The following MAD1L1 variants were observed in gnomAD, a reference collection of about 807,000 sequenced individuals.
MAD1L1 encodes the protein mitotic spindle assembly checkpoint protein MAD1.
A neutral mutation model predicts 96.9 loss-of-function variants in MAD1L1; 95 were observed. The ratio of observed to expected loss-of-function variants is 0.98; its 90% confidence interval spans 0.83 to 1.16. The LOEUF is 1.16. MAD1L1 is among the 50% of genes most tolerant of loss of function. The pLI is 0.00. For synonymous variants in MAD1L1, 473 were observed against 396.6 expected (o/e 1.19, Z -2.29); for missense variants, 1,007 against 954.4 (o/e 1.06, Z -0.73).
chr7:2,070,166 CCT>C (rs1243003919), intron 11 of MAD1L1, among the ~76,000 whole-genome samples: 1 of 152,188 alleles, frequency 6.6e-6, no homozygotes, highest in Non-Finnish European at 1.5e-5. Context: ...GGATCTTGCC[CCT>C]CTCTCTCTGT....
chr7:1,932,767 T>C (rs1216880915), intron 17 of MAD1L1, among the ~76,000 whole-genome samples: 1 of 152,268 alleles, frequency 6.6e-6, no homozygotes, highest in Non-Finnish European at 1.5e-5. Context: ...GGAGACGTCC[T>C]TGAGGCACTT....
At chr7:1,857,075 A>G (rs1784294749) in intron 18 of MAD1L1, among the ~76,000 whole-genome samples, 1 of 152,192 alleles carries the variant, frequency 6.6e-6, no homozygotes, top group South Asian at 2.1e-4. Context: ...CTGGTGGGGC[A>G]GGCAGGACAG....
chr7:2,022,370 C>A (rs1782825962), intron 12 of MAD1L1, among the ~76,000 whole-genome samples: 1 of 152,204 alleles, frequency 6.6e-6, no homozygotes, highest in Admixed American at 6.5e-5. Context: ...TTGGCTCATG[C>A]CTGTAATCCC....
intron 4 of MAD1L1, among the ~76,000 whole-genome samples, chr7:2,223,336 C>A (rs1210785617): frequency 6.6e-6 from 1 of 152,216 alleles, no homozygotes; most frequent in African/African-American, 2.4e-5. Context: ...GGCCGCGTGG[C>A]TCTCACTGGT....
intron 18 of MAD1L1, among the ~76,000 whole-genome samples, chr7:1,862,478 C>T (rs1784580052): frequency 6.6e-6 from 1 of 152,226 alleles, no homozygotes; most frequent in South Asian, 2.1e-4. Context: ...GAGACTGCAG[C>T]AGGGCCGACC....
chr7:1,816,348 CAG>C, intron 18 of MAD1L1, 120 bp from the exon 19 acceptor site: 1 of 987,582 alleles, frequency 1.0e-6, no homozygotes, highest in Non-Finnish European at 1.5e-6. Flanking sequence ...AGGACCTGGA[CAG>C]GGGTAGATGC....
chr7:1,819,091 CG>C (rs1562422569), intron 18 of MAD1L1, among the ~76,000 whole-genome samples: 1 of 152,152 alleles, frequency 6.6e-6, no homozygotes, highest in African/African-American at 2.4e-5. Context: ...TGAGTGGCGC[CG>C]GGCCCATCCA....
chr7:2,212,542 A>T (rs1793002606), intron 10 of MAD1L1, among the ~76,000 whole-genome samples: 6 of 152,074 alleles, frequency 3.9e-5, no homozygotes, highest in Admixed American at 3.9e-4. Flanking sequence ...GTCATTTAGA[A>T]GTGTGTGGCA....
At chr7:2,118,921 C>T (rs1787848255) in intron 11 of MAD1L1, among the ~76,000 whole-genome samples, 1 of 152,184 alleles carries the variant, frequency 6.6e-6, no homozygotes, top group Admixed American at 6.5e-5. Context: ...TGCCTCCCGT[C>T]TCTCTCCTTG....
At chr7:1,995,526 T>C (rs942706658) in intron 14 of MAD1L1, among the ~76,000 whole-genome samples, 1 of 151,934 alleles carries the variant, frequency 6.6e-6, no homozygotes, top group East Asian at 1.9e-4. Flanking sequence ...TTGTGTGGGA[T>C]GGAAGGGCGG....
intron 11 of MAD1L1, among the ~76,000 whole-genome samples, chr7:2,096,372 A>G (rs948119153): frequency 6.6e-6 from 1 of 152,204 alleles, no homozygotes; most frequent in African/African-American, 2.4e-5. Context: ...GGCGGGGCTC[A>G]TGCCTGCAAT....
At chr7:1,868,992 C>G (rs1004102963) in intron 18 of MAD1L1, among the ~76,000 whole-genome samples, 2 of 152,212 alleles carry the variant, frequency 1.3e-5, no homozygotes, top group Non-Finnish European at 2.9e-5. Flanking sequence ...GTGTAGGACT[C>G]CCCCAAGGCT....
At chr7:2,111,670 T>A (rs1431817364) in intron 11 of MAD1L1, among the ~76,000 whole-genome samples, 1 of 152,134 alleles carries the variant, frequency 6.6e-6, no homozygotes, top group African/African-American at 2.4e-5. Context: ...TGACGCCAGG[T>A]TGGGGCCAGC....
chr7:1,838,942 A>G, intron 18 of MAD1L1: 1 of 412,112 alleles, frequency 2.4e-6, no homozygotes. Context: ...GTGTGCAAAG[A>G]CACGCCGGGC....
chr7:1,883,896 A>G (rs1196898207), intron 18 of MAD1L1, among the ~76,000 whole-genome samples: 1 of 152,190 alleles, frequency 6.6e-6, no homozygotes, highest in African/African-American at 2.4e-5. Flanking sequence ...GCAGACCCTG[A>G]CACACGGTCA....
chr7:2,156,372 A>G (rs981008899), intron 10 of MAD1L1, among the ~76,000 whole-genome samples: 1 of 152,148 alleles, frequency 6.6e-6, no homozygotes, highest in African/African-American at 2.4e-5. Flanking sequence ...GACCACCTGC[A>G]CCAGAGTCAT....
At chr7:1,996,362 A>G (rs1469504843) in intron 14 of MAD1L1, among the ~76,000 whole-genome samples, 2 of 151,868 alleles carry the variant, frequency 1.3e-5, no homozygotes, top group Non-Finnish European at 2.9e-5. Context: ...GGGTCTACAC[A>G]TGCCTCACTG....
At chr7:1,977,594 A>G (rs1234146539) in intron 15 of MAD1L1, among the ~76,000 whole-genome samples, 1 of 152,264 alleles carries the variant, frequency 6.6e-6, no homozygotes, top group African/African-American at 2.4e-5. Flanking sequence ...AAGGGCTCCA[A>G]ACAAAATGGT....
At chr7:1,852,792 G>A (rs1333426342) in intron 18 of MAD1L1, among the ~76,000 whole-genome samples, 3 of 152,088 alleles carry the variant, frequency 2.0e-5, no homozygotes, top group Non-Finnish European at 2.9e-5. Context: ...CAGCCAAGAC[G>A]CCCTGCTGGG....
Sources: allele counts gnomAD v4.1 joint callset (sites outside exome capture counted in the v4.1 genomes callset), GRCh38; gene constraint gnomAD v4.1.1; transcripts MANE v1.5; gene names NCBI Gene and HGNC (gene_info 2026-07-23, HGNC 2026-07-21).